The following TMC1 variants were observed in gnomAD, a reference collection of about 807,000 sequenced individuals.
The protein encoded by TMC1 is transmembrane channel-like protein 1.
TMC1 carries 84 observed loss-of-function variants against 105.8 expected under a neutral mutation model. The ratio of observed to expected loss-of-function variants is 0.79; its 90% CI spans 0.67 to 0.95. TMC1 has a LOEUF of 0.95. Ranked by LOEUF, TMC1 falls within the 40% of genes least tolerant of loss-of-function variation. The probability of loss-of-function intolerance (pLI) is 0.00; values close to 1 mark genes in which losing one functional copy is unlikely to be tolerated. For synonymous variants in TMC1, 315 were observed against 311.5 expected (o/e 1.01, Z -0.12); for missense variants, 817 against 914.1 (o/e 0.89, Z 1.37).
At chr9:72,630,865 CT>C (rs201645920) in intron 4 of TMC1, among the ~76,000 whole-genome samples, 189 of 139,582 alleles carry the variant, frequency 1.4e-3, no homozygotes, top group Middle Eastern at 3.6e-3. Flanking sequence ...ACATTTTTCA[CT>C]TTTTTTTTTT....
intron 8 of TMC1, among the ~76,000 whole-genome samples, chr9:72,736,386 A>C (rs1285837048): frequency 6.6e-6 from 1 of 152,136 alleles, no homozygotes; most frequent in Admixed American, 6.5e-5. Flanking sequence ...TCTGTTTCTT[A>C]AGTTTTGCTA....
rs553041801 is a variant in TMC1 at position 72,530,990 on chromosome 9, A to G, written c.-428+9077A>G. Among the ~76,000 whole-genome samples, 9 of 149,304 alleles carry G rather than the reference A, an allele frequency of 6.0e-5. No homozygotes were observed. In the South Asian group the frequency reaches 1.9e-3, roughly 32 times the overall value. ...CGCCTGCCACCACGCCCAGCTAATTATTATTATTATTATTATTATTTGTAT... is the reference window on the plus strand; with the variant it reads ...CGCCTGCCACCACGCCCAGCTAATTGTTATTATTATTATTATTATTTGTAT... On this transcript the variant is annotated intron_variant, in intron 1 of 23. Coordinates refer to ENST00000297784, the MANE Select transcript of TMC1 (RefSeq NM_138691.3).
chr9:72,602,425 A>G lies in TMC1; in HGVS notation c.-305-13943A>G, dbSNP rs562058466. 3.9e-5 allele frequency among the ~76,000 whole-genome samples: 5 copies of G among 127,560 alleles called. No individual in the cohort carries two copies. The South Asian group carries it at 1.2e-3, about 32-fold the overall frequency. The allele number at this position is 127,560 out of a possible 152,430, so 83.7% of individuals were successfully genotyped here. A position where few individuals can be genotyped will look rare whatever the true frequency, so the allele number is the denominator to read the frequency against. On this transcript the variant is annotated intron_variant, in intron 2 of 23. Coordinates refer to ENST00000297784, the MANE Select transcript of TMC1 (RefSeq NM_138691.3). ...GGTCTTGCTCTGTCACCCAGGCTGG[A>G]GTGCAGTGGCATGATCTCAGCTCAC...
chr9:72,595,834 G>C (rs180906009), intron 2 of TMC1, among the ~76,000 whole-genome samples: 6 of 148,814 alleles, frequency 4.0e-5, no homozygotes, highest in African/African-American at 1.5e-4. Context: ...GCACCACCAC[G>C]CTGGCTAATT....
intron 4 of TMC1, among the ~76,000 whole-genome samples, chr9:72,646,471 C>A (rs1388846187): frequency 2.0e-5 from 3 of 152,132 alleles, no homozygotes; most frequent in African/African-American, 7.2e-5. Flanking sequence ...CATGACAATT[C>A]ATACCCGTAC....
intron 17 of TMC1, among the ~76,000 whole-genome samples, chr9:72,793,677 G>T (rs900623602): frequency 2.6e-5 from 4 of 152,160 alleles, no homozygotes; most frequent in Admixed American, 6.5e-5. Context: ...CATCTTTGCT[G>T]TTTCACAGCC....
intron 13 of TMC1, among the ~76,000 whole-genome samples, chr9:72,779,194 C>T (rs576735421): frequency 1.6e-4 from 24 of 152,344 alleles, no homozygotes; most frequent in Admixed American, 1.2e-3. Context: ...CCCAGGTCCC[C>T]TGAAATCAGC....
chr9:72,803,521 TAAAC>T (rs1187752100), intron 17 of TMC1, among the ~76,000 whole-genome samples: 3 of 152,002 alleles, frequency 2.0e-5, no homozygotes, highest in African/African-American at 7.2e-5. Context: ...ACAAAGAACT[TAAAC>T]AAATTTACGA....
At chr9:72,572,151 A>C (rs1169274792) in intron 1 of TMC1, among the ~76,000 whole-genome samples, 1 of 151,214 alleles carries the variant, frequency 6.6e-6, no homozygotes. Context: ...TTTACTTTTT[A>C]ATTTATTTTA....
In TMC1 at chr9:72,826,652, TTGACTA is replaced by T. The variant is rs1227328058; in HGVS notation, c.2004-215_2004-210del. ...ATATGTGGTTAATTTTCTAACTGCT[TTGACTA>T]TATGTTTATACTGGGATCATATTTC... On this transcript the variant is annotated intron_variant, in intron 20 of 23. Coordinates refer to ENST00000297784, the MANE Select transcript of TMC1 (RefSeq NM_138691.3). Among the ~76,000 whole-genome samples the T allele has an allele frequency of 2.0e-5, 3 of 152,214 alleles. No homozygotes were observed. The East Asian group carries it at 5.8e-4, about 29-fold the overall frequency.
chr9:72,604,447 C>G (rs1824875908), intron 2 of TMC1, among the ~76,000 whole-genome samples: 1 of 152,182 alleles, frequency 6.6e-6, no homozygotes, highest in Non-Finnish European at 1.5e-5. Context: ...TCTCTATTTA[C>G]CAGCCCAATA....
chr9:72,698,698 AAT>A, intron 7 of TMC1, among the ~76,000 whole-genome samples: 1 of 152,200 alleles, frequency 6.6e-6, no homozygotes, highest in Non-Finnish European at 1.5e-5. Context: ...CTGGAGGAAC[AAT>A]GGAAAGGGTT....
At chr9:72,608,415 A>G (rs565541477) in intron 2 of TMC1, among the ~76,000 whole-genome samples, 1 of 152,252 alleles carries the variant, frequency 6.6e-6, no homozygotes, top group South Asian at 2.1e-4. Flanking sequence ...GCTGGAGATT[A>G]AGTGTTGCAG....
chr9:72,762,659 C>T (rs951881721), intron 12 of TMC1, among the ~76,000 whole-genome samples: 4 of 152,258 alleles, frequency 2.6e-5, no homozygotes, highest in East Asian at 1.9e-4. Flanking sequence ...CCTAGAGATA[C>T]GTCTCTTTCC....
intron 5 of TMC1, chr9:72,651,264 G>A (rs1282258249): frequency 6.6e-6 from 1 of 151,970 alleles, no homozygotes; most frequent in Admixed American, 6.6e-5. Flanking sequence ...AGCCCATGAA[G>A]CGATGAAGCA....
chr9:72,631,827 G>A (rs944506079), intron 4 of TMC1, among the ~76,000 whole-genome samples: 29 of 152,226 alleles, frequency 1.9e-4, no homozygotes, highest in African/African-American at 6.0e-4. Context: ...AAACAAGAGC[G>A]CATGCAAGAA....
At chr9:72,663,822 T>C (rs1826002014) in intron 5 of TMC1, among the ~76,000 whole-genome samples, 1 of 152,224 alleles carries the variant, frequency 6.6e-6, no homozygotes, top group African/African-American at 2.4e-5. Flanking sequence ...AAACACACTT[T>C]GTACAACTGT....
At position 72,541,644 on chromosome 9, in the gene TMC1, C is replaced by T. The variant is rs984285125; in HGVS notation, c.-428+19731C>T. On this transcript the variant is annotated intron_variant, in intron 1 of 23. Transcript: ENST00000297784. Reference sequence around the variant, plus strand: ...TGGAGGTTGCAGTGAGCCAAGATCACACCATTGCACTCCAGCCTGGGCAAT... The same window carrying T: ...TGGAGGTTGCAGTGAGCCAAGATCATACCATTGCACTCCAGCCTGGGCAAT... Among the ~76,000 whole-genome samples the T allele has an allele frequency of 3.3e-5, 5 of 149,964 alleles. No homozygotes were observed. In the East Asian group the frequency reaches 7.9e-4, roughly 24 times the overall value.
At chr9:72,539,002 G>A (rs1439317650) in intron 1 of TMC1, among the ~76,000 whole-genome samples, 1 of 152,018 alleles carries the variant, frequency 6.6e-6, no homozygotes, top group Non-Finnish European at 1.5e-5. Context: ...TTGACCAAGG[G>A]GTCCATTCAG....
Sources: gnomAD v4.1 joint callset for allele counts (sites outside exome capture counted in the v4.1 genomes callset) on GRCh38, gnomAD v4.1.1 for gene constraint, MANE v1.5 for transcripts, NCBI Gene and HGNC (gene_info 2026-07-23, HGNC 2026-07-21) for gene names.